The following RARB variants were observed in gnomAD, a reference collection of about 807,000 sequenced individuals.
RARB encodes the protein HBV-activated protein.
A neutral mutation model predicts 51.9 loss-of-function variants in RARB; 17 were observed. The observed-to-expected ratio is 0.33, with a 90% CI of 0.22 to 0.49. The LOEUF (loss-of-function observed/expected upper bound fraction) is 0.49, where lower values mean the gene tolerates loss of function less well. Ranked by LOEUF, RARB falls within the 20% of genes least tolerant of loss-of-function variation. The pLI, the probability that RARB is intolerant of heterozygous loss-of-function variation, is 0.99. For synonymous variants in RARB, 215 were observed against 195.4 expected (o/e 1.10, Z -0.84); for missense variants, 369 against 550.8 (o/e 0.67, Z 3.30).
intron 2 of RARB, among the ~76,000 whole-genome samples, chr3:25,004,345 A>T (rs1054934435): frequency 6.6e-6 from 1 of 152,124 alleles, no homozygotes; most frequent in Non-Finnish European, 1.5e-5. Flanking sequence ...CTATAACAGG[A>T]TAGCTGAGAC....
At chr3:25,004,040 G>A (rs1238832723) in intron 2 of RARB, among the ~76,000 whole-genome samples, 1 of 152,088 alleles carries the variant, frequency 6.6e-6, no homozygotes, top group Non-Finnish European at 1.5e-5. Flanking sequence ...CAAGAAAGTA[G>A]TTTTTCTTAC....
intron 5 of RARB, among the ~76,000 whole-genome samples, chr3:25,227,483 TA>T (rs1702082074): frequency 6.6e-6 from 1 of 152,150 alleles, no homozygotes; most frequent in South Asian, 2.1e-4. Context: ...TTTCCACAAC[TA>T]TTTTTTTTAT....
chr3:25,001,733 A>G (rs1336680857), intron 2 of RARB, among the ~76,000 whole-genome samples: 6 of 152,042 alleles, frequency 3.9e-5, no homozygotes, highest in Admixed American at 2.6e-4. Flanking sequence ...GCTAAATGCA[A>G]CTCATTTGCA....
chr3:25,207,572 C>A (rs567634633), intron 5 of RARB, among the ~76,000 whole-genome samples: 1 of 152,264 alleles, frequency 6.6e-6, no homozygotes, highest in South Asian at 2.1e-4. Flanking sequence ...GCCAGTATTT[C>A]CCTTCCCTCC....
rs140126438 is a variant in RARB, at chr3:25,287,887, C to T, written c.178+113312C>T. Among the ~76,000 whole-genome samples, 242 of 151,904 alleles carry T rather than the reference C, an allele frequency of 1.6e-3. 1 individual carries two copies. Among genetic ancestry groups the T allele is most frequent in the African/African-American group, 5.5e-3 (228 of 41,430 alleles). On this transcript the variant is annotated intron_variant, in intron 5 of 11. Coordinates refer to the RARB transcript ENST00000383772. ...CACTTAGAGCTTGATAAAAGTAGAT[C>T]GACTGTGATCTTAAACATTCAGACG... is the stretch of plus-strand genomic sequence containing the variant.
intron 5 of RARB, among the ~76,000 whole-genome samples, chr3:25,264,364 AT>A (rs60901434): frequency 2.0e-5 from 3 of 151,394 alleles, no homozygotes; most frequent in South Asian, 2.1e-4. Flanking sequence ...AAGATCTACT[AT>A]TTTTTTTTAT....
At chr3:25,400,122 C>A (rs1707225167) in intron 5 of RARB, among the ~76,000 whole-genome samples, 1 of 152,132 alleles carries the variant, frequency 6.6e-6, no homozygotes, top group South Asian at 2.1e-4. Context: ...AGAGGCAGAT[C>A]ATTCTTGATT....
chr3:24,910,619 G>T (rs899114550), intron 2 of RARB, among the ~76,000 whole-genome samples: 2 of 152,126 alleles, frequency 1.3e-5, no homozygotes, highest in Admixed American at 6.5e-5. Flanking sequence ...GTCTAACTTG[G>T]GTGCTCCTGG....
intron 5 of RARB, among the ~76,000 whole-genome samples, chr3:25,421,309 C>G (rs569563895): frequency 6.6e-6 from 1 of 150,732 alleles, no homozygotes; most frequent in Non-Finnish European, 1.5e-5. Flanking sequence ...ACAGAAGATT[C>G]TCTGGTACAG....
chr3:25,180,236 C>A (rs1280107738), intron 5 of RARB, among the ~76,000 whole-genome samples: 9 of 151,952 alleles, frequency 5.9e-5, no homozygotes, highest in African/African-American at 2.2e-4. Flanking sequence ...AAAGAAGGAC[C>A]AAGAATGGAG....
intron 3 of RARB, among the ~76,000 whole-genome samples, chr3:25,561,982 G>A (rs1288384470): frequency 1.3e-5 from 2 of 152,098 alleles, no homozygotes; most frequent in Admixed American, 6.5e-5. Context: ...GAAATATAAA[G>A]GAGTGTGCTT....
At chr3:24,869,268 C>T (rs1462058511) in intron 2 of RARB, among the ~76,000 whole-genome samples, 1 of 152,162 alleles carries the variant, frequency 6.6e-6, no homozygotes, top group South Asian at 2.1e-4. Context: ...CAAATCTGGT[C>T]AACTTTAGTA....
intron 4 of RARB, among the ~76,000 whole-genome samples, chr3:25,578,187 G>T (rs574680921): frequency 1.3e-5 from 2 of 152,334 alleles, no homozygotes; most frequent in East Asian, 1.9e-4. Context: ...GCAGGCCAGG[G>T]CTCTCCATTT....
At chr3:25,439,460 C>T (rs2125526190) in intron 1 of RARB, among the ~76,000 whole-genome samples, 1 of 152,130 alleles carries the variant, frequency 6.6e-6, no homozygotes, top group Admixed American at 6.5e-5. Context: ...GGCTGGAGTG[C>T]AGTGGTATGA....
At chr3:25,337,653 C>A (rs1705103079) in intron 5 of RARB, among the ~76,000 whole-genome samples, 1 of 152,174 alleles carries the variant, frequency 6.6e-6, no homozygotes, top group Non-Finnish European at 1.5e-5. Flanking sequence ...CTTCTTCAGA[C>A]ACCACCTCCT....
chr3:25,561,955 A>G (rs1345529779), intron 3 of RARB, among the ~76,000 whole-genome samples: 1 of 152,162 alleles, frequency 6.6e-6, no homozygotes, highest in Non-Finnish European at 1.5e-5. Flanking sequence ...AAGGCAGTCT[A>G]TGCCTATTCC....
At chr3:24,970,574 A>AACACACACACACACACACACACACACAC (rs60292267) in intron 2 of RARB, among the ~76,000 whole-genome samples, 1 of 148,760 alleles carries the variant, frequency 6.7e-6, no homozygotes, top group African/African-American at 2.5e-5. Context: ...AAGTCATGTA[A>AACACACACACACACACACACACACACAC]ACACACACAC....
chr3:25,338,116 CA>C (rs1705120263), intron 5 of RARB, among the ~76,000 whole-genome samples: 1 of 124,616 alleles, frequency 8.0e-6, no homozygotes. Context: ...CACACACACA[CA>C]CACACACACA....
chr3:25,178,734 G>A (rs946773867), intron 5 of RARB, among the ~76,000 whole-genome samples: 1 of 152,138 alleles, frequency 6.6e-6, no homozygotes, highest in Non-Finnish European at 1.5e-5. Context: ...TCGTCACAAT[G>A]GAGACTTGAG....
Sources: allele counts gnomAD v4.1 joint callset (sites outside exome capture counted in the v4.1 genomes callset), GRCh38; gene constraint gnomAD v4.1.1; transcripts MANE v1.5; gene names NCBI Gene and HGNC (gene_info 2026-07-23, HGNC 2026-07-21).